The following TYW1B variants were observed in gnomAD, a reference collection of about 807,000 sequenced individuals.
The protein encoded by TYW1B is S-adenosyl-L-methionine-dependent tRNA 4-demethylwyosine synthase TYW1B.
TYW1B carries 73 observed loss-of-function variants against 86.9 expected under a neutral mutation model. The ratio of observed to expected loss-of-function variants is 0.84; its 90% CI spans 0.70 to 1.02. The LOEUF (loss-of-function observed/expected upper bound fraction) is 1.02, where lower values mean the gene tolerates loss of function less well. TYW1B is among the 50% of genes least tolerant of loss of function. The pLI, the probability that TYW1B is intolerant of heterozygous loss-of-function variation, is 0.00. For missense variants in TYW1B, 637 were observed against 827.4 expected (o/e 0.77, Z 2.82); for synonymous variants, 248 against 292.8 (o/e 0.85, Z 1.56).
chr7:72,672,502 A>ACACC (rs1234644341), intron 11 of TYW1B, among the ~76,000 whole-genome samples: 1 of 151,276 alleles, frequency 6.6e-6, no homozygotes, highest in Non-Finnish European at 1.5e-5. Context: ...ACACACACAC[A>ACACC]CACACACCTG....
chr7:72,656,676 A>C (rs1281430264), intron 11 of TYW1B, among the ~76,000 whole-genome samples: 2 of 152,154 alleles, frequency 1.3e-5, no homozygotes, highest in East Asian at 3.8e-4. Flanking sequence ...AGGTTTAATT[A>C]GCTCACAGTT....
chr7:72,691,954 C>G (rs1335380945), intron 11 of TYW1B, among the ~76,000 whole-genome samples: 1 of 151,906 alleles, frequency 6.6e-6, no homozygotes, highest in Non-Finnish European at 1.5e-5. Flanking sequence ...ACCTGTAATC[C>G]CAGCACTTTG....
chr7:72,709,153 GC>G (rs1814682701), intron 10 of TYW1B, among the ~76,000 whole-genome samples: 1 of 152,174 alleles, frequency 6.6e-6, no homozygotes, highest in Admixed American at 6.5e-5. Flanking sequence ...GCAGTAATCT[GC>G]AGATCTCAGA....
chr7:72,811,199 A>C (rs1290516113), intron 3 of TYW1B, among the ~76,000 whole-genome samples: 1 of 149,848 alleles, frequency 6.7e-6, no homozygotes, highest in East Asian at 2.0e-4. Flanking sequence ...TGAACCCAGG[A>C]GGCAGAGCTT....
intron 2 of TYW1B, among the ~76,000 whole-genome samples, chr7:72,821,558 G>A (rs1188380896): frequency 6.6e-6 from 1 of 152,156 alleles, no homozygotes; most frequent in African/African-American, 2.4e-5. Flanking sequence ...TGCAATGTAC[G>A]TGCTATTCCC....
At chr7:72,729,809 C>G (rs1461471551) in intron 8 of TYW1B, among the ~76,000 whole-genome samples, 1 of 152,088 alleles carries the variant, frequency 6.6e-6, no homozygotes, top group Admixed American at 6.5e-5. Context: ...AAGACACTAC[C>G]CCCATAAGCA....
Position 72,744,613 on chromosome 7 carries a change from A to T in TYW1B, c.965-12T>A, listed in dbSNP as rs374109550. The T allele has an allele frequency of 6.2e-7, 1 of 1,613,472 alleles. No homozygotes were observed. The highest frequency in any genetic ancestry group is 1.1e-5 in the South Asian group (1 of 91,070). The stretch of plus-strand genomic sequence containing the variant: ...CCTCGGAGCATCGACTATGACAAGT[A>T]AACAAATCACAATTTGAATAAAATC... On this transcript the variant is annotated splice_polypyrimidine_tract_variant and intron_variant, in intron 7 of 13. Coordinates refer to ENST00000620995, the MANE Select transcript of TYW1B (RefSeq NM_001145440.3).
chr7:72,632,368 C>CT, intron 11 of TYW1B, among the ~76,000 whole-genome samples: 1 of 84,836 alleles, frequency 1.2e-5, no homozygotes, highest in African/African-American at 6.5e-5. Flanking sequence ...TATATATACG[C>CT]ATATATATTA....
In TYW1B at chr7:72,632,368, C is replaced by CGT. The variant is rs1491559777; in HGVS notation, c.1507-3372_1507-3371insAC. On this transcript the variant is annotated intron_variant, in intron 11 of 13. Coordinates refer to ENST00000620995, the MANE Select transcript of TYW1B (RefSeq NM_001145440.3). ...ATATTATATATATTATATATATACG[C>CGT]ATATATATTATATATATACGTATAT... Among the ~76,000 whole-genome samples, 53 of 84,832 alleles carry CGT rather than the reference C, an allele frequency of 6.2e-4. 2 individuals carry two copies. The East Asian group carries it at 9.0e-3, about 14-fold the overall frequency. 55.7% of individuals were successfully genotyped at this position (84,832 alleles called of 152,430 possible).
intron 11 of TYW1B, among the ~76,000 whole-genome samples, chr7:72,660,520 T>C (rs1338278621): frequency 2.6e-4 from 39 of 152,208 alleles, no homozygotes; most frequent in Non-Finnish European, 1.6e-4. Context: ...CCATTTCTGT[T>C]GAGAAAGAAC....
At chr7:72,655,328 T>G (rs1258467014) in intron 11 of TYW1B, among the ~76,000 whole-genome samples, 1 of 152,152 alleles carries the variant, frequency 6.6e-6, no homozygotes, top group South Asian at 2.1e-4. Context: ...GGAGGCTTTC[T>G]GGAATCCACA....
intron 13 of TYW1B, among the ~76,000 whole-genome samples, chr7:72,582,051 G>C (rs1367325619): frequency 6.6e-6 from 1 of 150,750 alleles, no homozygotes; most frequent in Non-Finnish European, 1.5e-5. Context: ...TAACACGTGT[G>C]AGCCACTGCA....
chr7:72,811,270 CAAA>C (rs1243709262), intron 3 of TYW1B, among the ~76,000 whole-genome samples: 6 of 67,804 alleles, frequency 8.8e-5, no homozygotes, highest in East Asian at 4.4e-4. Context: ...GACTCCATCT[CAAA>C]AAAAAAAAAA....
At chr7:72,621,150 C>A (rs1812203973) in intron 12 of TYW1B, among the ~76,000 whole-genome samples, 1 of 152,118 alleles carries the variant, frequency 6.6e-6, no homozygotes, top group Non-Finnish European at 1.5e-5. Context: ...ATCTGTCTGT[C>A]TCTCTGTCCG....
intron 7 of TYW1B, chr7:72,768,655 C>CG (rs1563087726): frequency 6.5e-6 from 1 of 153,446 alleles, no homozygotes; most frequent in Non-Finnish European, 1.4e-5. Flanking sequence ...GGCATGGTGG[C>CG]GGGCGCCTGT....
At chr7:72,665,958 T>C (rs1245974973) in intron 11 of TYW1B, among the ~76,000 whole-genome samples, 1 of 152,168 alleles carries the variant, frequency 6.6e-6, no homozygotes, top group Non-Finnish European at 1.5e-5. Context: ...GGGTAAGTAC[T>C]GGAGGAAGGC....
At chr7:72,603,092 TGATGGATGGATG>T (rs61589472) in intron 13 of TYW1B, among the ~76,000 whole-genome samples, 20,304 of 146,998 alleles carry the variant, frequency 0.14, 1,550 homozygotes, top group African/African-American at 0.26. Flanking sequence ...GACAGACAGA[TGATGGATGGATG>T]GATGGATGGA....
chr7:72,797,831 TGAAGTCAGG>T (rs1477393888), intron 6 of TYW1B, among the ~76,000 whole-genome samples: 1 of 152,180 alleles, frequency 6.6e-6, no homozygotes, highest in Non-Finnish European at 1.5e-5. Flanking sequence ...AGCAGGTATC[TGAAGTCAGG>T]GCAGTCTTCT....
intron 8 of TYW1B, among the ~76,000 whole-genome samples, chr7:72,741,085 A>G (rs1787296876): frequency 6.6e-6 from 1 of 152,098 alleles, no homozygotes; most frequent in Non-Finnish European, 1.5e-5. Context: ...GCAAAGAAAC[A>G]AGTGTGGCCC....
Sources: allele counts gnomAD v4.1 joint callset (sites outside exome capture counted in the v4.1 genomes callset), GRCh38; gene constraint gnomAD v4.1.1; transcripts MANE v1.5; gene names NCBI Gene and HGNC (gene_info 2026-07-23, HGNC 2026-07-21).